ASAH2: variants seen among roughly 807,000 people sequenced by gnomAD.
The protein encoded by ASAH2 is N-acylsphingosine amidohydrolase 2, also known as neutral ceramidase.
In ASAH2, 58 loss-of-function variants were observed where a neutral mutation model predicts 82.9. The observed-to-expected ratio is 0.70, with a 90% CI of 0.57 to 0.87. The LOEUF (loss-of-function observed/expected upper bound fraction) is 0.87. ASAH2 is among the 40% of genes least tolerant of loss of function. The pLI, the probability that ASAH2 is intolerant of heterozygous loss-of-function variation, is 0.00. For synonymous variants in ASAH2, 276 were observed against 289.7 expected (o/e 0.95, Z 0.48); for missense variants, 779 against 834.0 (o/e 0.93, Z 0.81).
chr10:50,211,166 AAAAAGGCT>A, intron 10 of ASAH2, 32 bp from the exon 11 acceptor site: 2 of 1,517,798 alleles, frequency 1.3e-6, no homozygotes, highest in Non-Finnish European at 1.8e-6. Context: ...TATTCCAAGC[AAAAAGGCT>A]AAAGTGATCA....
chr10:50,238,475 T>C (rs993715813), intron 4 of ASAH2, among the ~76,000 whole-genome samples: 1 of 152,172 alleles, frequency 6.6e-6, no homozygotes, highest in East Asian at 1.9e-4. Context: ...CTGTATTCCT[T>C]CTCTTTGGTC....
chr10:50,228,075 A>G (rs1845936566), intron 7 of ASAH2, among the ~76,000 whole-genome samples: 1 of 152,202 alleles, frequency 6.6e-6, no homozygotes, highest in African/African-American at 2.4e-5. Flanking sequence ...TGTGATCCCA[A>G]CACTCTGAAA....
chr10:50,208,263 T>C (rs979306022), intron 12 of ASAH2, among the ~76,000 whole-genome samples: 46 of 152,118 alleles, frequency 3.0e-4, no homozygotes, highest in African/African-American at 9.6e-4. Context: ...ATATACACTC[T>C]TTTTACTTTT....
intron 2 of ASAH2, among the ~76,000 whole-genome samples, chr10:50,246,738 T>G (rs1166888029): frequency 6.6e-6 from 1 of 152,112 alleles, no homozygotes; most frequent in African/African-American, 2.4e-5. Context: ...CTAGGTGGAG[T>G]TAGCATCCAT....
chr10:50,198,188 C>T (rs1589321322), intron 17 of ASAH2: 1 of 151,778 alleles, frequency 6.6e-6, no homozygotes, highest in East Asian at 1.9e-4. Context: ...ATTAAAAGGG[C>T]TTTATTTTCT....
intron 2 of ASAH2, 29 bp from the exon 3 acceptor site, chr10:50,245,483 A>C (rs1341565280): frequency 6.3e-7 from 1 of 1,575,018 alleles, no homozygotes; most frequent in African/African-American, 1.4e-5. Context: ...TTTGAGAAAC[A>C]ACATTTCAGC....
At chr10:50,233,321 G>A in intron 6 of ASAH2, 60 bp from the exon 7 acceptor site, 2 of 1,247,966 alleles carry the variant, frequency 1.6e-6, no homozygotes, top group Non-Finnish European at 2.4e-6. Context: ...CCTCATGTAA[G>A]ATGAACAGTA....
Position 50,250,127 on chromosome 10 carries a change from T to C in ASAH2, c.-37+1268A>G, listed in dbSNP as rs74539463. ...ATGACACTGAGCCAGCATTCCCGTG[T>C]GCCAAGAGTTTCCTAAAACTCAGTG... On this transcript the variant is annotated intron_variant, in intron 1 of 20. Coordinates refer to ENST00000682911, the MANE Select transcript of ASAH2 (RefSeq NM_019893.4). 0.021 allele frequency among the ~76,000 whole-genome samples: 3,134 copies of C among 152,304 alleles called. 371 individuals carry two copies. In the East Asian group the frequency reaches 0.34, roughly 17 times the overall value.
intron 4 of ASAH2, among the ~76,000 whole-genome samples, chr10:50,238,136 T>A (rs1281335006): frequency 6.6e-6 from 1 of 152,184 alleles, no homozygotes; most frequent in African/African-American, 2.4e-5. Flanking sequence ...AATTTCAAGC[T>A]ACCAAAAGCT....
At chr10:50,207,380 C>T (rs1397171349) in intron 12 of ASAH2, among the ~76,000 whole-genome samples, 4 of 151,510 alleles carry the variant, frequency 2.6e-5, no homozygotes, top group Non-Finnish European at 4.4e-5. Flanking sequence ...ATCAATGAAA[C>T]CAAAAGCTGG....
At chr10:50,249,436 A>G (rs2133238178) in intron 1 of ASAH2, among the ~76,000 whole-genome samples, 1 of 152,344 alleles carries the variant, frequency 6.6e-6, no homozygotes, top group Middle Eastern at 3.4e-3. Flanking sequence ...TTAAAACCCC[A>G]TATAATGTAA....
chr10:50,222,652 A>G (rs1328661843), intron 7 of ASAH2, among the ~76,000 whole-genome samples: 1 of 152,210 alleles, frequency 6.6e-6, no homozygotes, highest in Non-Finnish European at 1.5e-5. Flanking sequence ...AAATTAAAAT[A>G]AAATAAGTGT....
At chr10:50,216,324 GA>G (rs1241860285) in intron 8 of ASAH2, among the ~76,000 whole-genome samples, 1 of 151,304 alleles carries the variant, frequency 6.6e-6, no homozygotes, top group Non-Finnish European at 1.5e-5. Context: ...AAAAAATCCA[GA>G]AAAAAATATT....
Position 50,206,537 on chromosome 10 carries a change from T to TAAACAC in ASAH2, c.1415-441_1415-440insGTGTTT, listed in dbSNP as rs1554905057. On this transcript the variant is annotated intron_variant, in intron 12 of 20. Coordinates refer to ENST00000682911, the MANE Select transcript of ASAH2 (RefSeq NM_019893.4). ...ATAATTTCTCCTGAATTTAGTTATC[T>TAAACAC]ACACACACACACACACACACACACA... is the stretch of plus-strand genomic sequence containing the variant. Among the ~76,000 whole-genome samples, 19 of 130,826 alleles carry TAAACAC rather than the reference T, an allele frequency of 1.5e-4. No homozygotes were observed. In the South Asian group the frequency reaches 5.0e-3, roughly 35 times the overall value. 85.8% of individuals were successfully genotyped at this position (130,826 alleles called of 152,430 possible).
chr10:50,218,947 A>G (rs1845677808), intron 7 of ASAH2, among the ~76,000 whole-genome samples: 1 of 152,204 alleles, frequency 6.6e-6, no homozygotes. Flanking sequence ...TTTGTCCTTC[A>G]AGATAGGCAC....
intron 16 of ASAH2, among the ~76,000 whole-genome samples, chr10:50,200,652 T>A (rs1406038415): frequency 2.0e-5 from 3 of 152,060 alleles, no homozygotes; most frequent in African/African-American, 7.2e-5. Flanking sequence ...GTCTTCCTAC[T>A]AGACCCCCAG....
intron 17 of ASAH2, among the ~76,000 whole-genome samples, chr10:50,197,367 A>C (rs1486306667): frequency 1.3e-5 from 2 of 151,158 alleles, no homozygotes; most frequent in African/African-American, 4.8e-5. Context: ...TAATAAAAGA[A>C]TATAATAAAT....
intron 16 of ASAH2, among the ~76,000 whole-genome samples, chr10:50,200,493 A>C (rs1436311735): frequency 1.3e-5 from 2 of 151,792 alleles, no homozygotes; most frequent in African/African-American, 2.4e-5. Context: ...CTTAACTCTC[A>C]CTTGTTGTCA....
intron 14 of ASAH2, among the ~76,000 whole-genome samples, 176 bp downstream of exon 14, chr10:50,204,685 A>G (rs891158164): frequency 4.6e-5 from 7 of 151,808 alleles, no homozygotes; most frequent in Admixed American, 6.6e-5. Flanking sequence ...AAGCATAGAG[A>G]TAGTTATTCT....
Sources: allele counts gnomAD v4.1 joint callset (sites outside exome capture counted in the v4.1 genomes callset), GRCh38; gene constraint gnomAD v4.1.1; transcripts MANE v1.5; gene names NCBI Gene and HGNC (gene_info 2026-07-23, HGNC 2026-07-21).